Variants in SLC35A3 observed in about 807,000 individuals in gnomAD.
SLC35A3 encodes UDP-N-acetylglucosamine transporter.
SLC35A3 carries 26 observed loss-of-function variants against 39.0 expected under a neutral mutation model. The ratio of observed to expected loss-of-function variants is 0.67; its 90% CI spans 0.49 to 0.92. The LOEUF (loss-of-function observed/expected upper bound fraction) is 0.92, where lower values mean the gene tolerates loss of function less well. SLC35A3 is among the 40% of genes least tolerant of loss of function. The pLI is 0.00. For synonymous variants in SLC35A3, 135 were observed against 133.1 expected (o/e 1.01, Z -0.10); for missense variants, 299 against 371.6 (o/e 0.80, Z 1.61).
chr1:100,001,734 A>G (rs997825481), intron 3 of SLC35A3, among the ~76,000 whole-genome samples: 3 of 152,136 alleles, frequency 2.0e-5, no homozygotes, highest in African/African-American at 7.2e-5. Context: ...AAAGCCTTCC[A>G]GCTTTTCCGC....
intron 3 of SLC35A3, 28 bp from the exon 4 acceptor site, chr1:100,007,006 T>G: frequency 6.4e-7 from 1 of 1,573,076 alleles, no homozygotes; most frequent in Non-Finnish European, 8.6e-7. Context: ...CAAACGAACA[T>G]TAATAATATT....
At chr1:99,987,445 G>GTA (rs1296294149) in intron 1 of SLC35A3, among the ~76,000 whole-genome samples, 1 of 152,034 alleles carries the variant, frequency 6.6e-6, no homozygotes, top group Non-Finnish European at 1.5e-5. Context: ...TATAATCTAT[G>GTA]TATATTTAAT....
chr1:99,977,556 A>G (rs1657187732), intron 1 of SLC35A3, among the ~76,000 whole-genome samples: 1 of 119,282 alleles, frequency 8.4e-6, no homozygotes, highest in South Asian at 3.2e-4. Context: ...AGGAAGGAGG[A>G]AGGGAGGAAG....
chr1:99,991,472 T>G (rs1165517085), intron 1 of SLC35A3, among the ~76,000 whole-genome samples: 1 of 152,194 alleles, frequency 6.6e-6, no homozygotes, highest in Non-Finnish European at 1.5e-5. Flanking sequence ...AGTTTTATAG[T>G]AAGTCTGGAA....
At chr1:99,997,567 T>A (rs1051203232) in intron 2 of SLC35A3, among the ~76,000 whole-genome samples, 4 of 146,322 alleles carry the variant, frequency 2.7e-5, no homozygotes, top group East Asian at 2.0e-4. Flanking sequence ...TATTATATAT[T>A]TATTTATTTA....
chr1:99,995,113 TTTCTTTCTTTCTTTCTTTC>T (rs2101145870), intron 2 of SLC35A3, among the ~76,000 whole-genome samples: 1 of 79,532 alleles, frequency 1.3e-5, no homozygotes, highest in Non-Finnish European at 2.8e-5. Context: ...ATTTTCTTTC[TTTCTTTCTTTCTTTCTTTC>T]TTTCTTTCTT....
At chr1:100,001,196 T>C (rs573501712) in intron 3 of SLC35A3, among the ~76,000 whole-genome samples, 3 of 152,146 alleles carry the variant, frequency 2.0e-5, no homozygotes, top group Admixed American at 6.6e-5. Context: ...ATTCAGGGTC[T>C]TTGTGGTTCC....
In SLC35A3 at chr1:100,015,157, C is replaced by CAA. The variant is rs760381564; in HGVS notation, c.635-126_635-125dup. The CAA allele has an allele frequency of 0.048, 21,340 of 447,946 alleles. 334 individuals are homozygous for CAA. The highest frequency in any genetic ancestry group is 0.11 in the African/African-American group (3,358 of 30,166). The allele number at this position is 447,946 out of a possible 1,614,324, so 27.7% of individuals were successfully genotyped here. On this transcript the variant is annotated intron_variant, in intron 5 of 7. Coordinates refer to ENST00000533028, the MANE Select transcript of SLC35A3 (RefSeq NM_012243.3). ...TGGGCAACAGAGCAAGACTCCGTCTCAAAAAAAAAAAAAAAAAAAAGAAAG... is the reference window on the plus strand; with the variant it reads ...TGGGCAACAGAGCAAGACTCCGTCTCAAAAAAAAAAAAAAAAAAAAAAGAAAG...
intron 1 of SLC35A3, among the ~76,000 whole-genome samples, chr1:99,992,819 T>G (rs1658166131): frequency 6.6e-6 from 1 of 152,198 alleles, no homozygotes; most frequent in African/African-American, 2.4e-5. Context: ...GTTTCCTATT[T>G]AAATCTTCTA....
intron 4 of SLC35A3, among the ~76,000 whole-genome samples, chr1:100,010,276 C>T (rs1659539058): frequency 6.6e-6 from 1 of 152,110 alleles, no homozygotes; most frequent in African/African-American, 2.4e-5. Context: ...AGTGTTAATT[C>T]TCTGGTGAAA....
At chr1:99,990,089 A>AT (rs1321044195) in intron 1 of SLC35A3, among the ~76,000 whole-genome samples, 1 of 151,326 alleles carries the variant, frequency 6.6e-6, no homozygotes, top group African/African-American at 2.4e-5. Flanking sequence ...CAGTTTATCC[A>AT]TTTTTTTCAT....
chr1:99,978,874 C>G (rs987652809), intron 1 of SLC35A3: 1 of 152,170 alleles, frequency 6.6e-6, no homozygotes, highest in African/African-American at 2.4e-5. Flanking sequence ...AAAAATATAG[C>G]AACTTAATTT....
In SLC35A3 at chr1:99,970,475, G is replaced by A. The variant is rs1656736408; in HGVS notation, c.-19+313G>A. On this transcript the variant is annotated intron_variant, in intron 1 of 7. Coordinates refer to ENST00000533028, the MANE Select transcript of SLC35A3 (RefSeq NM_012243.3). ...GGCAGTGTGTGCCTCAGCGCCTGGT[G>A]CGTGCGGAGCTAGTGACGGGTGGGC... is the stretch of plus-strand genomic sequence containing the variant. 11 of 1,175,720 alleles carry A rather than the reference G, an allele frequency of 9.4e-6. No individual in the cohort carries two copies. In the South Asian group the frequency reaches 1.5e-4, roughly 16 times the overall value. 72.8% of individuals were successfully genotyped at this position (1,175,720 alleles called of 1,614,324 possible).
chr1:100,015,163 A>G, intron 5 of SLC35A3, 139 bp from the exon 6 acceptor site: 1 of 909,104 alleles, frequency 1.1e-6, no homozygotes, highest in South Asian at 2.6e-5. Flanking sequence ...GTCTCAAAAA[A>G]AAAAAAAAAA....
rs967000127 is a variant in SLC35A3, at chr1:99,970,019, C to G, written c.-162C>G. The G allele has an allele frequency of 6.5e-6, 1 of 153,138 alleles. No individual in the cohort carries two copies. The highest frequency in any genetic ancestry group is 1.5e-5 in the Non-Finnish European group (1 of 68,720). 9.5% of individuals were successfully genotyped at this position (153,138 alleles called of 1,614,324 possible). ...CCGGAAACGCCTGGGCTGCACCGAG[C>G]TGGCGGTGGCTACGGCGACGGGAGC... On this transcript the variant is annotated 5_prime_UTR_variant, in exon 1 of 8. Transcript: ENST00000533028.
chr1:100,026,951 G>A lies in SLC35A3; in HGVS notation c.*4475G>A, dbSNP rs1260841207. ...CCTATTTAATAGATTTATTGAAATA[G>A]ATTATTTTCATAAAGAACTCTATAC... On this transcript the variant is annotated 3_prime_UTR_variant, in exon 8 of 8. Transcript: ENST00000533028. 18 of 375,978 alleles carry A rather than the reference G, an allele frequency of 4.8e-5. No homozygotes were observed. In the East Asian group the frequency reaches 6.8e-4, roughly 14 times the overall value. 23.3% of individuals were successfully genotyped at this position (375,978 alleles called of 1,614,324 possible).
At chr1:99,991,529 G>A (rs567663618) in intron 1 of SLC35A3, among the ~76,000 whole-genome samples, 4 of 152,268 alleles carry the variant, frequency 2.6e-5, no homozygotes, top group South Asian at 2.1e-4. Context: ...TTTCAAAATC[G>A]TTTTGATGGT....
At chr1:99,971,288 C>T (rs1157207609) in intron 1 of SLC35A3, among the ~76,000 whole-genome samples, 1 of 151,788 alleles carries the variant, frequency 6.6e-6, no homozygotes, top group East Asian at 1.9e-4. Context: ...CTGACGGTGG[C>T]TCCAGTAAAA....
rs555125704 is a variant in SLC35A3, at chr1:100,007,981, T to C, written c.465+825T>C. The C allele has an allele frequency of 6.1e-5, 9 of 146,574 alleles. 1 individual carries two copies. In the South Asian group the frequency reaches 1.9e-3, roughly 32 times the overall value. 9.1% of individuals were successfully genotyped at this position (146,574 alleles called of 1,614,324 possible). ...TTTTTTTTTTTTTTTTGAGATGGAG[T>C]CTTGCTCTGTCCCAGGCTGGAAGGC... On this transcript the variant is annotated intron_variant, in intron 4 of 7. Coordinates refer to ENST00000533028, the MANE Select transcript of SLC35A3 (RefSeq NM_012243.3).
Sources: gnomAD v4.1 joint callset for allele counts (sites outside exome capture counted in the v4.1 genomes callset) on GRCh38, gnomAD v4.1.1 for gene constraint, MANE v1.5 for transcripts, NCBI Gene and HGNC (gene_info 2026-07-23, HGNC 2026-07-21) for gene names.